CLNK: variants seen among roughly 807,000 people sequenced by gnomAD.
CLNK encodes the protein cytokine dependent hematopoietic cell linker.
CLNK carries 74 observed loss-of-function variants against 68.6 expected under a neutral mutation model. The ratio of observed to expected loss-of-function variants is 1.08; its 90% CI spans 0.89 to 1.31. The LOEUF (loss-of-function observed/expected upper bound fraction) is 1.31, where lower values mean the gene tolerates loss of function less well. Among genes scored for constraint, CLNK ranks in the 50% most tolerant of loss-of-function variants. The pLI is 0.00. For synonymous variants in CLNK, 198 were observed against 172.2 expected, an observed-to-expected ratio of 1.15 and a Z score of -1.17; for missense variants, 553 against 515.3, an observed-to-expected ratio of 1.07 and a Z score of -0.71.
intron 1 of CLNK, among the ~76,000 whole-genome samples, chr4:10,670,095 A>G (rs557841038): frequency 6.6e-6 from 1 of 152,228 alleles, no homozygotes; most frequent in Non-Finnish European, 1.5e-5. Flanking sequence ...TCTTTCTTTT[A>G]CAGCATGTCT....
chr4:10,582,123 G>A (rs1486415738), intron 4 of CLNK, among the ~76,000 whole-genome samples: 1 of 152,082 alleles, frequency 6.6e-6, no homozygotes, highest in East Asian at 1.9e-4. Context: ...CTGAAATCCT[G>A]GCTTGTCCCA....
chr4:10,726,673 C>T, the CLNK span, among the ~76,000 whole-genome samples: 2 of 152,170 alleles, frequency 1.3e-5, no homozygotes, highest in African/African-American at 4.8e-5. Context: ...AAGATTAAAA[C>T]AACCTTTTTA....
intron 4 of CLNK, among the ~76,000 whole-genome samples, chr4:10,584,003 G>GAGGT (rs1720880958): frequency 1.3e-5 from 2 of 152,348 alleles, no homozygotes; most frequent in South Asian, 4.1e-4. Flanking sequence ...GGTAGGTGGA[G>GAGGT]AGGTGCATTT....
the CLNK span, among the ~76,000 whole-genome samples, chr4:10,712,513 C>T: frequency 3.3e-5 from 5 of 152,156 alleles, no homozygotes; most frequent in Admixed American, 6.5e-5. Context: ...ACAATAACAG[C>T]CCTTTCCTGA....
the CLNK span, among the ~76,000 whole-genome samples, chr4:10,717,596 A>T: frequency 6.6e-6 from 1 of 152,130 alleles, no homozygotes; most frequent in African/African-American, 2.4e-5. Flanking sequence ...ACTCCAAAAA[A>T]CAAAACAGAA....
chr4:10,607,798 T>C (rs1721844403), intron 2 of CLNK, among the ~76,000 whole-genome samples: 2 of 152,230 alleles, frequency 1.3e-5, no homozygotes, highest in Non-Finnish European at 2.9e-5. Flanking sequence ...GGCTGTGTGA[T>C]TCAGATTTGA....
intron 17 of CLNK, among the ~76,000 whole-genome samples, chr4:10,505,515 G>A (rs116297098): frequency 6.2e-4 from 94 of 152,268 alleles, no homozygotes; most frequent in African/African-American, 2.2e-3. Context: ...AAACAGAAGC[G>A]TATTCTCTTA....
intron 18 of CLNK, among the ~76,000 whole-genome samples, chr4:10,492,812 T>C (rs927039029): frequency 1.3e-5 from 2 of 152,216 alleles, no homozygotes; most frequent in African/African-American, 4.8e-5. Flanking sequence ...AACTAGTCCC[T>C]GGATCGAGTC....
intron 8 of CLNK, among the ~76,000 whole-genome samples, chr4:10,553,004 C>G (rs1256214736): frequency 1.3e-5 from 2 of 151,760 alleles, no homozygotes; most frequent in Admixed American, 6.6e-5. Flanking sequence ...AGAGAGAGGG[C>G]AAACTTATCA....
intron 1 of CLNK, among the ~76,000 whole-genome samples, chr4:10,670,152 G>A (rs1724572588): frequency 6.6e-6 from 1 of 152,192 alleles, no homozygotes; most frequent in South Asian, 2.1e-4. Flanking sequence ...TACAAACTAT[G>A]AAATGTTATG....
chr4:10,693,764 A>G, the CLNK span, among the ~76,000 whole-genome samples: 1 of 152,202 alleles, frequency 6.6e-6, no homozygotes, highest in Non-Finnish European at 1.5e-5. Flanking sequence ...TGAAGAGTAC[A>G]CATTTCTAGT....
At chr4:10,629,755 G>C (rs532005041) in intron 2 of CLNK, among the ~76,000 whole-genome samples, 4 of 151,910 alleles carry the variant, frequency 2.6e-5, no homozygotes, top group Non-Finnish European at 5.9e-5. Flanking sequence ...GTGAAGTTCA[G>C]GGGGGAAGGC....
chr4:10,583,133 A>G lies in CLNK; in HGVS notation c.112+1794T>C, dbSNP rs1479632468. ...ATGTTATCAAGCCACCGTCACGCAC[A>G]GTCTTTTTTGTAAATCCTCATGCAT... On this transcript the variant is annotated intron_variant, in intron 4 of 18. Coordinates refer to ENST00000226951, the MANE Select transcript of CLNK (RefSeq NM_052964.4). Among the ~76,000 whole-genome samples, 4 of 152,220 alleles carry G rather than the reference A, an allele frequency of 2.6e-5. 1 individual carries two copies. Among genetic ancestry groups the G allele is most frequent in the Non-Finnish European group, 5.9e-5 (4 of 68,044 alleles).
In CLNK at chr4:10,676,063, GTGTGTGTGTGTGTGTCTA is replaced by G. The variant is rs757161647; in HGVS notation, c.-42-8170_-42-8153del. ...GCCAGAAGAGTGTGTGTGTGTGTGT[GTGTGTGTGTGTGTGTCTA>G]TGTGTGTGTGTGTTTGCACACACAT... On this transcript the variant is annotated intron_variant, in intron 1 of 18. Transcript: ENST00000226951. Among the ~76,000 whole-genome samples, 285 of 140,674 alleles carry G rather than the reference GTGTGTGTGTGTGTGTCTA, an allele frequency of 2.0e-3. 5 individuals are homozygous for G. The highest frequency in any genetic ancestry group is 2.4e-3 in the Non-Finnish European group (146 of 60,688). 92.3% of individuals were successfully genotyped at this position (140,674 alleles called of 152,430 possible). A position where few individuals can be genotyped will look rare whatever the true frequency, so the allele number is the denominator to read the frequency against.
chr4:10,669,151 C>G (rs1040160674), intron 1 of CLNK, among the ~76,000 whole-genome samples: 8 of 152,210 alleles, frequency 5.3e-5, no homozygotes, highest in Non-Finnish European at 1.0e-4. Context: ...ATTCACTCAT[C>G]CATCTGGGAA....
intron 2 of CLNK, among the ~76,000 whole-genome samples, chr4:10,606,606 G>C (rs1051328814): frequency 1.3e-5 from 2 of 152,114 alleles, no homozygotes; most frequent in African/African-American, 2.4e-5. Flanking sequence ...GTTTACACCA[G>C]CATCATCACA....
At chr4:10,620,547 C>G (rs1722397251) in intron 2 of CLNK, among the ~76,000 whole-genome samples, 1 of 152,208 alleles carries the variant, frequency 6.6e-6, no homozygotes, top group Admixed American at 6.5e-5. Context: ...TGCAGCATCT[C>G]ATATCCGTAA....
At chr4:10,685,734 C>T (rs997428049), upstream of CLNK, among the ~76,000 whole-genome samples, 1 of 152,176 alleles carries the variant, frequency 6.6e-6, no homozygotes. Context: ...AATTGTGAGT[C>T]AGTTACATTG....
chr4:10,537,108 T>C (rs1718788811), intron 11 of CLNK, among the ~76,000 whole-genome samples: 1 of 152,218 alleles, frequency 6.6e-6, no homozygotes, highest in African/African-American at 2.4e-5. Context: ...TTAAAATAGA[T>C]ACTGGGGATA....
Sources: gnomAD v4.1 joint callset for allele counts (sites outside exome capture counted in the v4.1 genomes callset) on GRCh38, gnomAD v4.1.1 for gene constraint, MANE v1.5 for transcripts, NCBI Gene and HGNC (gene_info 2026-07-23, HGNC 2026-07-21) for gene names.